The following GLS variants were observed in gnomAD, a reference collection of about 807,000 sequenced individuals.
GLS encodes the protein glutaminase.
GLS carries 36 observed loss-of-function variants against 86.7 expected under a neutral mutation model. The ratio of observed to expected loss-of-function variants is 0.42; its 90% confidence interval spans 0.32 to 0.55. The LOEUF (loss-of-function observed/expected upper bound fraction) is 0.55, where lower values mean the gene tolerates loss of function less well. Among genes scored for constraint, GLS ranks in the 20% least tolerant of loss-of-function variants. GLS has a pLI of 0.17. For missense variants in GLS, 528 were observed against 833.4 expected (o/e 0.63, Z 4.51); for synonymous variants, 317 against 305.9 (o/e 1.04, Z -0.38).
intron 14 of GLS, among the ~76,000 whole-genome samples, chr2:190,945,664 C>CA (rs1195607642): frequency 0.02 from 2,218 of 109,308 alleles, 56 homozygotes; most frequent in African/African-American, 0.069. Flanking sequence ...GAGCCTGTCT[C>CA]AAAAAAAAAA....
rs1339920563 is a variant in GLS at position 190,895,753 on chromosome 2, G to A, written c.605+28G>A. 7.0e-6 allele frequency: 11 copies of A among 1,564,988 alleles called. No homozygotes were observed. The highest frequency in any genetic ancestry group is 3.5e-5 in the South Asian group (3 of 84,694). ...AAAAGTTTCTGCCAAACCTTTAATG[G>A]TGATTTGCTATGCTATACGGTGATT... On this transcript the variant is annotated intron_variant, in intron 3 of 17. Coordinates refer to ENST00000320717, the MANE Select transcript of GLS (RefSeq NM_014905.5). The surrounding 1 kb of genome is among the most constrained non-coding windows in gnomAD (Gnocchi z 4.2).
At chr2:190,881,642 G>C in intron 1 of GLS, 172 bp downstream of exon 1, 1 of 594,810 alleles carries the variant, frequency 1.7e-6, no homozygotes, top group Non-Finnish European at 2.7e-6. Flanking sequence ...GGCCCCGCCC[G>C]CGCCTTCCCC....
At position 190,951,123 on chromosome 2, in the gene GLS, G is replaced by C. The variant is rs1423306238; in HGVS notation, c.1651-2442G>C. 2.0e-5 allele frequency among the ~76,000 whole-genome samples: 3 copies of C among 152,074 alleles called. No individual in the cohort carries two copies. The East Asian group carries it at 5.8e-4, about 29-fold the overall frequency. The stretch of plus-strand genomic sequence containing the variant: ...CATTATATTGAAAAACAAGAAGATT[G>C]GACTGCCTTGGGAGTAGTATTTGGC... On this transcript the variant is annotated intron_variant, in intron 14 of 17. Coordinates refer to ENST00000320717, the MANE Select transcript of GLS (RefSeq NM_014905.5). The surrounding 1 kb of genome is among the most constrained non-coding windows in gnomAD (Gnocchi z 4.2).
In GLS at chr2:190,938,459, C is replaced by T. The variant is rs1690337431; in HGVS notation, c.1650+6822C>T. ...CTTTCTTTTGTTTTTAAAACATAGT[C>T]CAACCTTTCTAGAATTTTGATGTAC... On this transcript the variant is annotated intron_variant, in intron 14 of 17. Coordinates refer to ENST00000320717, the MANE Select transcript of GLS (RefSeq NM_014905.5). This position sits in a 1 kb window ranked among gnomAD's most constrained non-coding sequence, Gnocchi z 4.1. Among the ~76,000 whole-genome samples the T allele has an allele frequency of 6.6e-6, 1 of 151,532 alleles. No homozygotes were observed. The highest frequency in any genetic ancestry group is 2.1e-4 in the South Asian group (1 of 4,830).
chr2:190,915,152 G>C (rs561885606), intron 7 of GLS, among the ~76,000 whole-genome samples: 6 of 150,830 alleles, frequency 4.0e-5, no homozygotes, highest in Admixed American at 2.6e-4. Flanking sequence ...CACTGTGCCT[G>C]GCTAATTTTT....
At chr2:190,890,553 A>G (rs1024444119) in intron 1 of GLS, among the ~76,000 whole-genome samples, 1 of 152,260 alleles carries the variant, frequency 6.6e-6, no homozygotes, top group African/African-American at 2.4e-5. Flanking sequence ...GTTAGACTTA[A>G]CATTCATTCT....
chr2:190,965,269 C>G lies in GLS; in HGVS notation c.*2283C>G, dbSNP rs1175127546. On this transcript the variant is annotated 3_prime_UTR_variant, in exon 18 of 18. Coordinates refer to ENST00000320717, the MANE Select transcript of GLS (RefSeq NM_014905.5). This position sits in a 1 kb window ranked among gnomAD's most constrained non-coding sequence, Gnocchi z 5.0. ...GTCTCATCTTTGGTAATATGCTATACCCCACTGCTGCCCGACACTGCCCTT... is the reference window on the plus strand; with the variant it reads ...GTCTCATCTTTGGTAATATGCTATAGCCCACTGCTGCCCGACACTGCCCTT... The G allele has an allele frequency of 6.6e-6, 1 of 152,526 alleles. No homozygotes were observed. Among genetic ancestry groups the G allele is most frequent in the Non-Finnish European group, 1.5e-5 (1 of 68,050 alleles). 9.4% of individuals were successfully genotyped at this position (152,526 alleles called of 1,614,324 possible).
At chr2:190,892,513 T>A (rs1688599957) in intron 1 of GLS, among the ~76,000 whole-genome samples, 1 of 152,186 alleles carries the variant, frequency 6.6e-6, no homozygotes, top group Non-Finnish European at 1.5e-5. Context: ...GATTTCCTAG[T>A]TACTATATAG....
intron 17 of GLS, among the ~76,000 whole-genome samples, chr2:190,959,135 A>G (rs1010937051): frequency 1.3e-5 from 2 of 151,978 alleles, no homozygotes; most frequent in Non-Finnish European, 2.9e-5. Flanking sequence ...TAGGATAGTT[A>G]GCTCTTCTTG....
rs1437761368 is a variant in GLS, at chr2:190,895,168, C to T, written c.403C>T (p.Leu135=). ...ASGENKIKQG[L]LPSLEDLLFY... ...CCTCTTTAGTAAAATAAAACAGGGT[C>T]TGTTACCTAGCTTGGAAGATTTGCT... The change falls in exon 2 of 18, where the codon CTG becomes TTG. Residue 135 remains leucine (L), a synonymous_variant. Coordinates refer to ENST00000320717, the MANE Select transcript of GLS (RefSeq NM_014905.5). This position sits in a 1 kb window ranked among gnomAD's most constrained non-coding sequence, Gnocchi z 4.2. The T allele has an allele frequency of 1.9e-5, 28 of 1,504,680 alleles. No individual in the cohort carries two copies. The highest frequency in any genetic ancestry group is 2.6e-5 in the Non-Finnish European group (28 of 1,084,396). The allele number at this position is 1,504,680 out of a possible 1,614,324, so 93.2% of individuals were successfully genotyped here.
chr2:190,881,078 C>A lies in GLS; in HGVS notation c.-7C>A, dbSNP rs765834476. On this transcript the variant is annotated 5_prime_UTR_variant, in exon 1 of 18. Transcript: ENST00000320717. ...CCTGTTGAGCGGGCGCTGACGGACC[C>A]GGCGGCATGATGCGGCTGCGAGGCT... 34 of 1,553,430 alleles carry A rather than the reference C, an allele frequency of 2.2e-5. No homozygotes were observed. Among genetic ancestry groups the A allele is most frequent in the Non-Finnish European group, 2.8e-5 (32 of 1,156,834 alleles).
rs947815233 is a variant in GLS, at chr2:190,881,182, C to T, written c.98C>T (p.Thr33Ile). Residue 33 changes from threonine (T) to isoleucine (I), a missense_variant, in exon 1 of 18, where the codon ACC (threonine) becomes ATC (isoleucine). Thr to Ile is a moderately conservative substitution (Grantham distance 89, BLOSUM62 -1). Around this residue, in one of 4 missense-constraint regions of GLS, gnomAD observed 224 missense variants for 187.9 expected, o/e 1.19. Coordinates refer to ENST00000320717, the MANE Select transcript of GLS (RefSeq NM_014905.5). Reference protein sequence around the residue: ...ATLRRAQPLVTLCRRPRGGGR... With the variant: ...ATLRRAQPLVILCRRPRGGGR... ...CTGCGGCGGGCACAGCCCTTGGTCA[C>T]CCTGTGCCGGCGTCCCCGAGGCGGG... is the stretch of plus-strand genomic sequence containing the variant. 2.8e-6 allele frequency: 4 copies of T among 1,407,884 alleles called. No individual in the cohort carries two copies. The African/African-American group carries it at 6.0e-5, about 21-fold the overall frequency. 87.2% of individuals were successfully genotyped at this position (1,407,884 alleles called of 1,614,324 possible).
In GLS at chr2:190,951,957, C is replaced by G. The variant is rs1471216737; in HGVS notation, c.1651-1608C>G. 6.6e-6 allele frequency among the ~76,000 whole-genome samples: 1 copy of G among 152,186 alleles called. No homozygotes were observed. Among genetic ancestry groups the G allele is most frequent in the Non-Finnish European group, 1.5e-5 (1 of 68,038 alleles). On this transcript the variant is annotated intron_variant, in intron 14 of 17. Coordinates refer to ENST00000320717, the MANE Select transcript of GLS (RefSeq NM_014905.5). The surrounding 1 kb of genome is among the most constrained non-coding windows in gnomAD (Gnocchi z 4.2). ...TGTTGGCTCATGCCTGTAATCCCAA[C>G]AGTTTGGGAGGCCAAGGCAGAAGGA... is the stretch of plus-strand genomic sequence containing the variant.
chr2:190,925,037 A>G (rs1456732149), intron 11 of GLS, among the ~76,000 whole-genome samples: 1 of 152,234 alleles, frequency 6.6e-6, no homozygotes, highest in Non-Finnish European at 1.5e-5. Flanking sequence ...AGGCAGTCTC[A>G]TGTCCATGCA....
chr2:190,948,683 G>A (rs563126357), intron 14 of GLS, among the ~76,000 whole-genome samples: 13 of 152,276 alleles, frequency 8.5e-5, no homozygotes, highest in Middle Eastern at 3.4e-3. Context: ...AGTGGTGGGG[G>A]AAGTAAGACA....
chr2:190,899,707 G>T (rs1187881456), intron 3 of GLS, among the ~76,000 whole-genome samples: 1 of 151,978 alleles, frequency 6.6e-6, no homozygotes, highest in African/African-American at 2.4e-5. Context: ...TATACAATTG[G>T]CTGTAATCCA....
In GLS at chr2:190,920,597, A is replaced by G. The variant is rs1179719631; in HGVS notation, c.1039-427A>G. ...TATTAGTTTAAGGATTTAATAAAATATAAGTAGATTGTTCTTAATTGAAAT... is the reference window on the plus strand; with the variant it reads ...TATTAGTTTAAGGATTTAATAAAATGTAAGTAGATTGTTCTTAATTGAAAT... On this transcript the variant is annotated intron_variant, in intron 7 of 17. Transcript: ENST00000320717. The surrounding 1 kb of genome is among the most constrained non-coding windows in gnomAD (Gnocchi z 4.2). Among the ~76,000 whole-genome samples, 1 of 151,890 alleles carries G rather than the reference A, an allele frequency of 6.6e-6. No individual in the cohort carries two copies. The highest frequency in any genetic ancestry group is 1.9e-4 in the East Asian group (1 of 5,204).
Position 190,930,950 on chromosome 2 carries a change from T to G in GLS, c.1557+382T>G, listed in dbSNP as rs889000176. Among the ~76,000 whole-genome samples the G allele has an allele frequency of 3.9e-5, 6 of 152,182 alleles. No homozygotes were observed. Among genetic ancestry groups the G allele is most frequent in the Non-Finnish European group, 8.8e-5 (6 of 68,016 alleles). On this transcript the variant is annotated intron_variant, in intron 13 of 17. Transcript: ENST00000320717. The surrounding 1 kb of genome is among the most constrained non-coding windows in gnomAD (Gnocchi z 5.0). ...TAAATATCTTTATCCATTGACTACC[T>G]TTAAACATTTTTTTGAGGAAATAAG...
intron 3 of GLS, among the ~76,000 whole-genome samples, chr2:190,899,808 G>T (rs572943473): frequency 6.6e-6 from 1 of 152,110 alleles, no homozygotes; most frequent in South Asian, 2.1e-4. Flanking sequence ...CAAATTATTA[G>T]ATTTCAGAAT....
Sources: allele counts gnomAD v4.1 joint callset (sites outside exome capture counted in the v4.1 genomes callset), GRCh38; gene constraint gnomAD v4.1.1; regional missense constraint gnomAD v4.1.1; non-coding constraint Gnocchi (gnomAD v3.1); transcripts MANE v1.5; gene names NCBI Gene and HGNC (gene_info 2026-07-23, HGNC 2026-07-21).